Variants in ZNF143 observed in about 807,000 individuals in gnomAD.
The protein encoded by ZNF143 is zinc finger protein 143.
Under a neutral mutation model 74.1 loss-of-function variants are expected in ZNF143, and 49 were observed. That is an observed-to-expected ratio of 0.66 (90% confidence interval 0.53 to 0.84). The LOEUF (loss-of-function observed/expected upper bound fraction) is 0.84, where lower values mean the gene tolerates loss of function less well. Among genes scored for constraint, ZNF143 ranks in the 40% least tolerant of loss-of-function variants. The pLI, the probability that ZNF143 is intolerant of heterozygous loss-of-function variation, is 0.00. For synonymous variants in ZNF143, 304 were observed against 282.8 expected, an observed-to-expected ratio of 1.07 and a Z score of -0.75; for missense variants, 637 against 793.4, an observed-to-expected ratio of 0.80 and a Z score of 2.37.
Position 9,512,575 on chromosome 11 carries a change from A to G in ZNF143, c.1503A>G (p.Ile501Met). Residue 501 changes from isoleucine (I) to methionine (M), a missense_variant, in exon 13 of 16, where the codon ATA becomes ATG. This residue lies in a region of ZNF143 where 344 missense variants were observed against 485.6 expected (regional missense o/e 0.71). Coordinates refer to ENST00000396602, the MANE Select transcript of ZNF143 (RefSeq NM_003442.6). The stretch of plus-strand genomic sequence containing the variant: ...GACTGAGTCAACAAGTTACACTCAT[A>G]TCCCAGGATGGGACTCAGCATGTAA... Reference protein sequence around the residue: ...QSGLSQQVTLISQDGTQHVNI... With the variant: ...QSGLSQQVTLMSQDGTQHVNI... 6.2e-7 allele frequency: 1 copy of G among 1,614,250 alleles called. No individual in the cohort carries two copies.
At chr11:9,475,989 A>C (rs1338201650) in intron 5 of ZNF143, among the ~76,000 whole-genome samples, 1 of 150,924 alleles carries the variant, frequency 6.6e-6, no homozygotes, top group Non-Finnish European at 1.5e-5. Context: ...TTTGCCTACT[A>C]TGTTTAATTG....
chr11:9,482,453 G>A (rs1199117470), intron 7 of ZNF143, among the ~76,000 whole-genome samples: 10 of 149,900 alleles, frequency 6.7e-5, no homozygotes, highest in Admixed American at 6.6e-4. Flanking sequence ...TGTATTTTTA[G>A]TACAGATGGG....
intron 14 of ZNF143, among the ~76,000 whole-genome samples, chr11:9,520,285 C>CTCGGCTTCCCAAAGTGCTGAGCCA (rs1460635613): frequency 6.7e-6 from 1 of 150,268 alleles, no homozygotes; most frequent in African/African-American, 2.4e-5. Flanking sequence ...ATCCACCCGC[C>CTCGGCTTCCCAAAGTGCTGAGCCA]TCGGCTTCCC....
At chr11:9,499,169 T>C (rs188698904) in intron 10 of ZNF143, among the ~76,000 whole-genome samples, 1 of 152,334 alleles carries the variant, frequency 6.6e-6, no homozygotes, top group Non-Finnish European at 1.5e-5. Flanking sequence ...AAAATCATGA[T>C]ATTTTCATTG....
chr11:9,506,133 C>T (rs1848356729), intron 11 of ZNF143, among the ~76,000 whole-genome samples: 1 of 152,142 alleles, frequency 6.6e-6, no homozygotes, highest in Admixed American at 6.5e-5. Context: ...GAGTTCAAAA[C>T]CAGCCTGGCC....
chr11:9,471,741 G>T lies in ZNF143; in HGVS notation c.112+321G>T, dbSNP rs1387418573. Among the ~76,000 whole-genome samples, 3 of 151,754 alleles carry T rather than the reference G, an allele frequency of 2.0e-5. No individual in the cohort carries two copies. The East Asian group carries it at 5.8e-4, about 29-fold the overall frequency. ...CTAATTTTGTATTTTTAGTAGAGAC[G>T]GGGTTTCACCACGTTGGCCAGGCTG... On this transcript the variant is annotated intron_variant, in intron 2 of 15. Coordinates refer to ENST00000396602, the MANE Select transcript of ZNF143 (RefSeq NM_003442.6).
At position 9,511,597 on chromosome 11, in the gene ZNF143, C is replaced by T. The variant is rs537890185; in HGVS notation, c.1376-851C>T. Among the ~76,000 whole-genome samples, 11 of 151,130 alleles carry T rather than the reference C, an allele frequency of 7.3e-5. No homozygotes were observed. In the South Asian group the frequency reaches 1.9e-3, roughly 26 times the overall value. On this transcript the variant is annotated intron_variant, in intron 12 of 15. Transcript: ENST00000396602. Reference sequence around the variant, plus strand: ...GATTACAGGTGTGAGCCACCATACCCGGCCTTGGTTTTGTATTTTTAATAG... The same window carrying T: ...GATTACAGGTGTGAGCCACCATACCTGGCCTTGGTTTTGTATTTTTAATAG...
intron 8 of ZNF143, among the ~76,000 whole-genome samples, chr11:9,495,973 A>T (rs780682919): frequency 6.6e-6 from 1 of 152,030 alleles, no homozygotes; most frequent in Admixed American, 6.6e-5. Flanking sequence ...CACACTCTTA[A>T]CCTTACATTG....
intron 1 of ZNF143, among the ~76,000 whole-genome samples, chr11:9,461,482 C>G (rs1212509739): frequency 5.9e-5 from 9 of 152,152 alleles, no homozygotes; most frequent in African/African-American, 2.2e-4. Flanking sequence ...GGCAGAGTTC[C>G]GCCGCCTGGG....
chr11:9,471,456 TATC>T (rs1484977248), intron 2 of ZNF143, 36 bp downstream of exon 2: 4 of 1,450,506 alleles, frequency 2.8e-6, no homozygotes, highest in Non-Finnish European at 3.7e-6. Flanking sequence ...CGTTTGAAAA[TATC>T]ATTTATCTTA....
chr11:9,481,038 G>A (rs548283236), intron 7 of ZNF143, among the ~76,000 whole-genome samples: 52 of 152,270 alleles, frequency 3.4e-4, no homozygotes, highest in Middle Eastern at 3.4e-3. Flanking sequence ...CTTTGATGCT[G>A]TGTGATTCGT....
intron 7 of ZNF143, among the ~76,000 whole-genome samples, chr11:9,486,968 CT>C (rs779391254): frequency 1.7e-3 from 177 of 104,608 alleles, no homozygotes; most frequent in Non-Finnish European, 1.8e-3. Context: ...GCACCTGGCC[CT>C]TTTTTTTTTT....
Position 9,515,608 on chromosome 11 carries a change from T to C in ZNF143, c.1525-593T>C, listed in dbSNP as rs554541073. Among the ~76,000 whole-genome samples, 275 of 146,846 alleles carry C rather than the reference T, an allele frequency of 1.9e-3. 3 individuals carry two copies. Among genetic ancestry groups the C allele is most frequent in the African/African-American group, 6.5e-3 (259 of 39,664 alleles). On this transcript the variant is annotated intron_variant, in intron 13 of 15. Coordinates refer to ENST00000396602, the MANE Select transcript of ZNF143 (RefSeq NM_003442.6). The stretch of plus-strand genomic sequence containing the variant: ...GGCGGAGCTTCCAGTAAGCAGAGAT[T>C]GCGCCACTGCACTCCAGCCTGGGCA...
At chr11:9,465,095 T>C (rs972798668) in intron 1 of ZNF143, among the ~76,000 whole-genome samples, 3 of 152,184 alleles carry the variant, frequency 2.0e-5, no homozygotes, top group Non-Finnish European at 4.4e-5. Flanking sequence ...GTAAAAATTT[T>C]GTATGTATGT....
intron 7 of ZNF143, among the ~76,000 whole-genome samples, chr11:9,488,069 G>A (rs1179045829): frequency 6.6e-6 from 1 of 151,858 alleles, no homozygotes; most frequent in Non-Finnish European, 1.5e-5. Context: ...TCTGTTCCCC[G>A]CTATTACTGT....
intron 14 of ZNF143, among the ~76,000 whole-genome samples, chr11:9,523,497 G>A (rs999479960): frequency 1.3e-5 from 2 of 152,164 alleles, no homozygotes; most frequent in African/African-American, 2.4e-5. Flanking sequence ...ACTTTGGGAG[G>A]CTGAGGCGGG....
intron 7 of ZNF143, among the ~76,000 whole-genome samples, chr11:9,481,974 C>CTTTT (rs71034714): frequency 1.6e-5 from 2 of 122,390 alleles, no homozygotes; most frequent in African/African-American, 3.2e-5. Flanking sequence ...ACCCATTACT[C>CTTTT]TTTTTTTTTT....
intron 9 of ZNF143, among the ~76,000 whole-genome samples, chr11:9,496,845 G>A (rs187165184): frequency 6.6e-6 from 1 of 151,814 alleles, no homozygotes; most frequent in Non-Finnish European, 1.5e-5. Flanking sequence ...TAATCCGTCC[G>A]CCTCGGCCTC....
intron 5 of ZNF143, among the ~76,000 whole-genome samples, chr11:9,476,746 CTTTTTTTTTTTTTTTTTT>C (rs869069237): frequency 0.025 from 866 of 34,918 alleles, 39 homozygotes; most frequent in African/African-American, 0.074. Flanking sequence ...AGGGAGGAAT[CTTTTTTTTTTTTTTTTTT>C]TTTTTTTTTT....
Sources: gnomAD v4.1 joint callset for allele counts (sites outside exome capture counted in the v4.1 genomes callset) on GRCh38, gnomAD v4.1.1 for gene constraint, gnomAD v4.1.1 regional missense constraint, MANE v1.5 for transcripts, NCBI Gene and HGNC (gene_info 2026-07-23, HGNC 2026-07-21) for gene names.